Variants in BAIAP2 observed in about 807,000 individuals in gnomAD.
The protein encoded by BAIAP2 is BAR/IMD domain-containing adapter protein 2.
BAIAP2 carries 18 observed loss-of-function variants against 63.0 expected under a neutral mutation model. That is an observed-to-expected ratio of 0.29 (90% confidence interval 0.20 to 0.42). The LOEUF (loss-of-function observed/expected upper bound fraction) is 0.42, where lower values mean the gene tolerates loss of function less well. Among genes scored for constraint, BAIAP2 ranks in the 10% least tolerant of loss-of-function variants. BAIAP2 has a pLI of 1.00. For missense variants in BAIAP2, 610 were observed against 734.3 expected (o/e 0.83, Z 1.96); for synonymous variants, 386 against 307.6 (o/e 1.25, Z -2.67).
chr17:81,070,635 C>G (rs370944704), intron 3 of BAIAP2, among the ~76,000 whole-genome samples: 1 of 152,148 alleles, frequency 6.6e-6, no homozygotes, highest in Admixed American at 6.5e-5. Context: ...TTGGCCAGGT[C>G]GCTCAACCCG....
intron 1 of BAIAP2, chr17:81,053,424 G>A (rs762126538): frequency 1.7e-4 from 93 of 542,372 alleles, no homozygotes; most frequent in South Asian, 1.4e-3. Context: ...ACTCCTCTGC[G>A]GCCGGGTTTC....
intron 12 of BAIAP2, 98 bp downstream of exon 12, chr17:81,107,005 C>A (rs545143511): frequency 1.5e-6 from 2 of 1,362,446 alleles, no homozygotes; most frequent in African/African-American, 3.0e-5. Context: ...GGCGGGGCGC[C>A]TGGGGGTCTG....
intron 3 of BAIAP2, among the ~76,000 whole-genome samples, chr17:81,076,789 TGAGACC>T (rs2053734733): frequency 6.6e-6 from 1 of 152,012 alleles, no homozygotes; most frequent in Admixed American, 6.5e-5. Context: ...GGCAACATAG[TGAGACC>T]CCATGTCTAC....
Position 81,069,689 on chromosome 17 carries a change from T to C in BAIAP2, c.217+11722T>C, listed in dbSNP as rs372197184. 4.6e-5 allele frequency among the ~76,000 whole-genome samples: 7 copies of C among 152,208 alleles called. No individual in the cohort carries two copies. In the East Asian group the frequency reaches 7.7e-4, roughly 17 times the overall value. The stretch of plus-strand genomic sequence containing the variant: ...ATCCATGGCAGCTCCCTCTGCCCAC[T>C]CGGGGGACTCTCCCCCGCCAGGACT... On this transcript the variant is annotated intron_variant, in intron 3 of 13. Transcript: ENST00000428708.
At chr17:81,035,547 G>C (rs867706907) in intron 1 of BAIAP2, among the ~76,000 whole-genome samples, 1 of 149,576 alleles carries the variant, frequency 6.7e-6, no homozygotes, top group South Asian at 2.1e-4. Flanking sequence ...TGCGCGCCGC[G>C]GCCCGGTCAG....
chr17:81,106,902 T>A lies in BAIAP2; in HGVS notation c.1495T>A (p.Ser499Thr). Residue 499 changes from serine to threonine, a missense_variant, in exon 12 of 14, where the codon TCC (serine) becomes ACC (threonine). By Grantham distance (58) the Ser-to-Thr change is moderately conservative. Around this residue, in one of 5 missense-constraint regions of BAIAP2, gnomAD observed 114 missense variants for 98.2 expected, o/e 1.16. Coordinates refer to ENST00000428708, the MANE Select transcript of BAIAP2 (RefSeq NM_001144888.2). Reference protein sequence around the residue: ...RPYSVAVPAFSQGLDDYGARS... With the variant: ...RPYSVAVPAFTQGLDDYGARS... ...CTACAGTGTGGCCGTGCCCGCCTTC[T>A]CCCAGGTCAGTGGGCGGGGCCGGGG... 2 of 1,545,624 alleles carry A rather than the reference T, an allele frequency of 1.3e-6. No individual in the cohort carries two copies. The highest frequency in any genetic ancestry group is 1.7e-6 in the Non-Finnish European group (2 of 1,145,328).
chr17:81,077,472 G>A (rs2053845432), intron 3 of BAIAP2, among the ~76,000 whole-genome samples: 1 of 152,052 alleles, frequency 6.6e-6, no homozygotes, highest in South Asian at 2.1e-4. Context: ...GGAGGCTGAG[G>A]CAGGATAATC....
At chr17:81,097,281 G>A (rs1192138560) in intron 6 of BAIAP2, among the ~76,000 whole-genome samples, 1 of 152,226 alleles carries the variant, frequency 6.6e-6, no homozygotes, top group Non-Finnish European at 1.5e-5. Flanking sequence ...GCCGGGCTCC[G>A]TGTTGGGGGA....
intron 13 of BAIAP2, chr17:81,111,077 G>A: frequency 1.6e-6 from 2 of 1,258,288 alleles, no homozygotes; most frequent in South Asian, 1.2e-5. Flanking sequence ...GGGGCCAGGG[G>A]TCCACTGAGC....
chr17:81,067,434 T>C (rs1239375045), intron 3 of BAIAP2, among the ~76,000 whole-genome samples: 2 of 152,218 alleles, frequency 1.3e-5, no homozygotes, highest in Non-Finnish European at 2.9e-5. Flanking sequence ...CCCCTCTGGC[T>C]GTGGCTGGGG....
At chr17:81,088,858 A>G (rs1291454370) in intron 6 of BAIAP2, among the ~76,000 whole-genome samples, 1 of 152,200 alleles carries the variant, frequency 6.6e-6, no homozygotes, top group Non-Finnish European at 1.5e-5. Context: ...GGGGTAGCAT[A>G]GGGCCGGACA....
chr17:81,087,674 CG>C (rs2055935485), intron 6 of BAIAP2: 2 of 152,206 alleles, frequency 1.3e-5, no homozygotes, highest in Admixed American at 6.5e-5. Context: ...AACAGCCATA[CG>C]GGGGAGCTGG....
chr17:81,107,201 G>A (rs935313125), intron 12 of BAIAP2: 4 of 368,716 alleles, frequency 1.1e-5, no homozygotes, highest in Non-Finnish European at 1.9e-5. Context: ...GTCCAAGGGG[G>A]CAGCGTCTGG....
At position 81,116,313 on chromosome 17, in the gene BAIAP2, G is replaced by T; in HGVS notation, c.*474G>T. The T allele has an allele frequency of 6.2e-7, 1 of 1,612,752 alleles. No individual in the cohort carries two copies. The highest frequency in any genetic ancestry group is 8.5e-7 in the Non-Finnish European group (1 of 1,179,888). ...ACCCTGGCTGGAAGATGAACTTCCC[G>T]TAAGCACGTAATTCCCTGCAGGTCC... On this transcript the variant is annotated 3_prime_UTR_variant, in exon 14 of 14. Coordinates refer to ENST00000428708, the MANE Select transcript of BAIAP2 (RefSeq NM_001144888.2).
intron 1 of BAIAP2, among the ~76,000 whole-genome samples, chr17:81,037,749 C>T (rs575140939): frequency 4.6e-5 from 7 of 152,254 alleles, no homozygotes; most frequent in Non-Finnish European, 7.3e-5. Context: ...ACCCGCGATG[C>T]GGCTCAGCTG....
At chr17:81,077,563 CAA>C (rs10564899) in intron 3 of BAIAP2, among the ~76,000 whole-genome samples, 66,731 of 146,938 alleles carry the variant, frequency 0.45, 15,024 homozygotes, top group African/African-American at 0.5. Context: ...GACTCTGTCT[CAA>C]AAAAAAAAAA....
At chr17:81,071,713 G>A (rs1394298465) in intron 3 of BAIAP2, among the ~76,000 whole-genome samples, 10 of 152,256 alleles carry the variant, frequency 6.6e-5, no homozygotes, top group East Asian at 1.9e-4. Context: ...TCCAGCTCCC[G>A]GCAGACTCAG....
chr17:81,073,555 G>T (rs1306753052), intron 3 of BAIAP2, among the ~76,000 whole-genome samples: 2 of 152,132 alleles, frequency 1.3e-5, no homozygotes, highest in African/African-American at 2.4e-5. Flanking sequence ...GGGGACCCTC[G>T]GGCAGGGTCT....
chr17:81,036,219 G>C (rs1167865544), intron 1 of BAIAP2, among the ~76,000 whole-genome samples: 2 of 151,268 alleles, frequency 1.3e-5, no homozygotes, highest in African/African-American at 4.8e-5. Flanking sequence ...GCAGCTGCCG[G>C]GGAGCATTTT....
Sources: gnomAD v4.1 joint callset for allele counts (sites outside exome capture counted in the v4.1 genomes callset) on GRCh38, gnomAD v4.1.1 for gene constraint, gnomAD v4.1.1 regional missense constraint, MANE v1.5 for transcripts, NCBI Gene and HGNC (gene_info 2026-07-23, HGNC 2026-07-21) for gene names.